Variants in DSG4 observed in about 807,000 individuals in gnomAD.
DSG4 encodes the protein desmoglein-4.
DSG4 carries 87 observed loss-of-function variants against 93.1 expected under a neutral mutation model. That is an observed-to-expected ratio of 0.93 (90% CI 0.79 to 1.12). The LOEUF is 1.12. DSG4 is among the 50% of genes most tolerant of loss of function. The pLI is 0.00. For synonymous variants in DSG4, 432 were observed against 452.9 expected, an observed-to-expected ratio of 0.95 and a Z score of 0.59; for missense variants, 1,373 against 1,285.7, an observed-to-expected ratio of 1.07 and a Z score of -1.04.
intron 8 of DSG4, 35 bp downstream of exon 8, chr18:31,392,375 A>C (rs1487608434): frequency 1.2e-6 from 2 of 1,605,594 alleles, no homozygotes; most frequent in African/African-American, 2.7e-5. Flanking sequence ...TTTCTTCCAA[A>C]ATATTTTATT....
At chr18:31,384,554 T>C (rs1246846005) in intron 1 of DSG4, among the ~76,000 whole-genome samples, 1 of 152,130 alleles carries the variant, frequency 6.6e-6, no homozygotes, top group Admixed American at 6.6e-5. Context: ...CAAGGAGTAA[T>C]AGGAGTAAAA....
At chr18:31,384,124 G>T (rs1236569146) in intron 1 of DSG4, among the ~76,000 whole-genome samples, 1 of 151,980 alleles carries the variant, frequency 6.6e-6, no homozygotes, top group Non-Finnish European at 1.5e-5. Flanking sequence ...AAACAGAATT[G>T]GTTCTGAAGC....
intron 1 of DSG4, among the ~76,000 whole-genome samples, chr18:31,383,438 A>G (rs954086171): frequency 2.6e-5 from 4 of 152,178 alleles, no homozygotes; most frequent in African/African-American, 9.7e-5. Flanking sequence ...TGCTGAATAC[A>G]TATTCCTTTA....
chr18:31,389,320 A>G (rs903335459), intron 5 of DSG4, among the ~76,000 whole-genome samples: 4 of 152,168 alleles, frequency 2.6e-5, no homozygotes, highest in Non-Finnish European at 5.9e-5. Flanking sequence ...AAACTGAGGA[A>G]TAAACCAGGA....
chr18:31,412,915 G>C lies in DSG4; in HGVS notation c.2443G>C (p.Val815Leu), dbSNP rs369634548. 4 of 1,614,068 alleles carry C rather than the reference G, an allele frequency of 2.5e-6. No individual in the cohort carries two copies. Among genetic ancestry groups the C allele is most frequent in the Non-Finnish European group, 3.4e-6 (4 of 1,180,048 alleles). Reference protein sequence around the residue: ...IYDHEGVGSPVGSIGCCSWIV... With the variant: ...IYDHEGVGSPLGSIGCCSWIV... ...TGACCACGAGGGAGTCGGGTCTCCC[G>C]TAGGCTCTATTGGTTGTTGCAGTTG... The change falls in exon 16 of 16, where the codon GTA becomes CTA. Residue 815 changes from valine (V) to leucine (L), a missense_variant. By Grantham distance (32) the Val-to-Leu change is conservative. Coordinates refer to ENST00000308128, the MANE Select transcript of DSG4 (RefSeq NM_177986.5).
rs768880705 is a variant in DSG4 at position 31,388,454 on chromosome 18, A to T, written c.304A>T (p.Ile102Phe). ...TCGACCACCATATGGGGTATTCACC[A>T]TTAATCCTCGCACTGGGGAAATTAA... ...IDRPPYGVFTINPRTGEINIT... is the reference protein window; with the variant it reads ...IDRPPYGVFTFNPRTGEINIT... The change falls in exon 4 of 16, where the codon ATT becomes TTT. Residue 102 changes from isoleucine to phenylalanine, a missense_variant. Ile to Phe is a conservative substitution (Grantham distance 21). Transcript: ENST00000308128. 6.2e-7 allele frequency: 1 copy of T among 1,613,630 alleles called. No individual in the cohort carries two copies. The highest frequency in any genetic ancestry group is 2.2e-5 in the East Asian group (1 of 44,856).
At chr18:31,398,188 T>C (rs529917734) in intron 8 of DSG4, among the ~76,000 whole-genome samples, 1 of 152,256 alleles carries the variant, frequency 6.6e-6, no homozygotes, top group African/African-American at 2.4e-5. Context: ...CTGTGCTAAG[T>C]ATCATGTGGG....
chr18:31,392,977 G>C (rs1427245550), intron 8 of DSG4, among the ~76,000 whole-genome samples: 1 of 152,158 alleles, frequency 6.6e-6, no homozygotes, highest in Non-Finnish European at 1.5e-5. Flanking sequence ...TGAAATACCG[G>C]CTTTGATTTT....
chr18:31,406,211 G>A lies in DSG4; in HGVS notation c.1771G>A (p.Asp591Asn). The A allele has an allele frequency of 6.2e-7, 1 of 1,614,146 alleles. No individual in the cohort carries two copies. The highest frequency in any genetic ancestry group is 8.5e-7 in the Non-Finnish European group (1 of 1,180,030). The change falls in exon 12 of 16, where the codon GAC becomes AAC. Residue 591 changes from aspartate to asparagine, a missense_variant. By Grantham distance (23) the Asp-to-Asn change is conservative. Coordinates refer to ENST00000308128, the MANE Select transcript of DSG4 (RefSeq NM_177986.5). The stretch of plus-strand genomic sequence containing the variant: ...GCAGTTATATGCCTGTGATTGCGAT[G>A]ACAACCACATGTGCCTGGACTCTGG... The part of the protein sequence containing the change: ...MVQLYACDCD[D>N]NHMCLDSGAA...
chr18:31,413,999 T>C lies in DSG4; in HGVS notation c.*404T>C, dbSNP rs1268282251. On this transcript the variant is annotated 3_prime_UTR_variant, in exon 16 of 16. Transcript: ENST00000308128. ...CCAGCCATATTTTTCGTTAGGGAAA[T>C]ATTTATATTAAAATTTTTAATTGAA... The C allele has an allele frequency of 6.2e-6, 1 of 160,228 alleles. No individual in the cohort carries two copies. The highest frequency in any genetic ancestry group is 1.8e-4 in the East Asian group (1 of 5,596). 9.9% of individuals were successfully genotyped at this position (160,228 alleles called of 1,614,324 possible). A position where few individuals can be genotyped will look rare whatever the true frequency, so the allele number is the denominator to read the frequency against.
chr18:31,376,977 A>G lies in DSG4; in HGVS notation c.48+18A>G. ...TTCTAATGGTAAGTAGAATTTAAAG[A>G]GGTGGGAAGGAAATGCAGCCTCAAG... is the stretch of plus-strand genomic sequence containing the variant. On this transcript the variant is annotated intron_variant, in intron 1 of 15. Coordinates refer to ENST00000308128, the MANE Select transcript of DSG4 (RefSeq NM_177986.5). 1.2e-6 allele frequency: 2 copies of G among 1,612,548 alleles called. No individual in the cohort carries two copies. Among genetic ancestry groups the G allele is most frequent in the Non-Finnish European group, 1.7e-6 (2 of 1,178,948 alleles).
intron 14 of DSG4, 134 bp downstream of exon 14, chr18:31,409,942 A>C (rs1598753643): frequency 9.5e-7 from 1 of 1,056,930 alleles, no homozygotes. Context: ...AGGGAATGTG[A>C]CCTGTTTGAA....
chr18:31,403,485 A>G lies in DSG4; in HGVS notation c.1487A>G (p.Asn496Ser), dbSNP rs117510013. The change falls in exon 11 of 16, where the codon AAC becomes AGC. Residue 496 changes from asparagine to serine, a missense_variant. Physicochemically the swap from Asn to Ser is conservative, Grantham distance 46. Coordinates refer to ENST00000308128, the MANE Select transcript of DSG4 (RefSeq NM_177986.5). ...EVPDINDYCP[N>S]IFPERRTICI... ...CCTGATATCAATGATTATTGTCCAAACATTTTTCCTGAAAGAAGAACCATC... is the reference window on the plus strand; with the variant it reads ...CCTGATATCAATGATTATTGTCCAAGCATTTTTCCTGAAAGAAGAACCATC... The G allele has an allele frequency of 0.015, 24,700 of 1,613,914 alleles. 228 individuals are homozygous for G. Among genetic ancestry groups the G allele is most frequent in the Non-Finnish European group, 0.019 (21,922 of 1,179,904 alleles).
intron 8 of DSG4, among the ~76,000 whole-genome samples, chr18:31,395,240 T>C (rs1313300857): frequency 6.6e-6 from 1 of 150,790 alleles, no homozygotes; most frequent in African/African-American, 2.4e-5. Context: ...CCTTCTGTGA[T>C]AACAACTTTT....
intron 10 of DSG4, chr18:31,401,579 T>C (rs2072367486): frequency 6.6e-6 from 1 of 152,262 alleles, no homozygotes; most frequent in Non-Finnish European, 1.5e-5. Flanking sequence ...ATGCACTGAC[T>C]TAACTTGTAA....
chr18:31,413,674 C>T lies in DSG4; in HGVS notation c.*79C>T. ...ACATCCACCAAAAATATATAATGTA[C>T]CATATATATTAATAGTCAACAAATA... On this transcript the variant is annotated 3_prime_UTR_variant, in exon 16 of 16. Coordinates refer to ENST00000308128, the MANE Select transcript of DSG4 (RefSeq NM_177986.5). 3 of 1,509,834 alleles carry T rather than the reference C, an allele frequency of 2.0e-6. No homozygotes were observed. Among genetic ancestry groups the T allele is most frequent in the Non-Finnish European group, 2.7e-6 (3 of 1,100,340 alleles). The allele number at this position is 1,509,834 out of a possible 1,614,324, so 93.5% of individuals were successfully genotyped here. A position where few individuals can be genotyped will look rare whatever the true frequency, so the allele number is the denominator to read the frequency against.
chr18:31,400,154 A>C (rs983454585), intron 9 of DSG4, among the ~76,000 whole-genome samples: 1 of 152,184 alleles, frequency 6.6e-6, no homozygotes, highest in African/African-American at 2.4e-5. Flanking sequence ...TCTTCTCTAT[A>C]TCCTGCCCTT....
Position 31,413,669 on chromosome 18 carries a change from A to T in DSG4, c.*74A>T. 4 of 1,477,844 alleles carry T rather than the reference A, an allele frequency of 2.7e-6. No individual in the cohort carries two copies. The highest frequency in any genetic ancestry group is 3.7e-6 in the Non-Finnish European group (4 of 1,069,444). The allele number at this position is 1,477,844 out of a possible 1,614,324, so 91.5% of individuals were successfully genotyped here. A position where few individuals can be genotyped will look rare whatever the true frequency, so the allele number is the denominator to read the frequency against. ...TCAATACATCCACCAAAAATATATA[A>T]TGTACCATATATATTAATAGTCAAC... is the stretch of plus-strand genomic sequence containing the variant. On this transcript the variant is annotated 3_prime_UTR_variant, in exon 16 of 16. Transcript: ENST00000308128.
chr18:31,391,949 G>A (rs779910662), intron 7 of DSG4, among the ~76,000 whole-genome samples: 22 of 152,082 alleles, frequency 1.4e-4, no homozygotes, highest in Admixed American at 7.2e-4. Context: ...ATTTGACCTT[G>A]ATTTTACATA....
Sources: allele counts gnomAD v4.1 joint callset (sites outside exome capture counted in the v4.1 genomes callset), GRCh38; gene constraint gnomAD v4.1.1; transcripts MANE v1.5; gene names NCBI Gene and HGNC (gene_info 2026-07-23, HGNC 2026-07-21).